CACNA2D2: variants seen among roughly 807,000 people sequenced by gnomAD.
CACNA2D2 encodes voltage-dependent calcium channel subunit alpha-2/delta-2.
Under a neutral mutation model 166.4 loss-of-function variants are expected in CACNA2D2, and 48 were observed. The observed-to-expected ratio is 0.29, with a 90% CI of 0.23 to 0.37. CACNA2D2 has a LOEUF of 0.37. Among genes scored for constraint, CACNA2D2 ranks in the 10% least tolerant of loss-of-function variants. The pLI is 1.00. For missense variants in CACNA2D2, 1,122 were observed against 1,433.0 expected (o/e 0.78, Z 3.50); for synonymous variants, 561 against 573.7 (o/e 0.98, Z 0.32).
chr3:50,476,095 AC>A (rs1355985864), intron 2 of CACNA2D2, 22 bp downstream of exon 2: 10 of 1,571,224 alleles, frequency 6.4e-6, no homozygotes, highest in Non-Finnish European at 6.9e-6. Flanking sequence ...CCCTGAAGAG[AC>A]AGCAAGTGGC....
chr3:50,484,930 C>G (rs1372983612), intron 1 of CACNA2D2, among the ~76,000 whole-genome samples: 2 of 152,320 alleles, frequency 1.3e-5, no homozygotes, highest in African/African-American at 4.8e-5. Flanking sequence ...GGGGAGCTTG[C>G]GGAGAGGTTG....
In CACNA2D2 at chr3:50,476,166, C is replaced by T. The variant is rs1437170884; in HGVS notation, c.240G>A (p.Glu80=). The T allele has an allele frequency of 3.1e-6, 5 of 1,601,520 alleles. No individual in the cohort carries two copies. Among genetic ancestry groups the T allele is most frequent in the Non-Finnish European group, 4.3e-6 (5 of 1,174,862 alleles). The change falls in exon 2 of 38, where the codon GAG becomes GAA. Residue 80 remains glutamate, a synonymous_variant. Transcript: ENST00000424201. The part of the protein sequence containing the change: ...MQHWARRLEQ[E]VDGVMRIFGG... ...CAAAAATCCGCATCACGCCGTCGAC[C>T]TCCTGCTCCAGACGCCGGGCCCAGT...
chr3:50,478,119 C>T (rs1000559247), intron 1 of CACNA2D2, among the ~76,000 whole-genome samples: 1 of 152,194 alleles, frequency 6.6e-6, no homozygotes, highest in Non-Finnish European at 1.5e-5. Flanking sequence ...GAGCCACAGC[C>T]GGATTCCCTC....
At chr3:50,444,810 C>A (rs951391748) in intron 2 of CACNA2D2, among the ~76,000 whole-genome samples, 2 of 152,196 alleles carry the variant, frequency 1.3e-5, no homozygotes, top group African/African-American at 4.8e-5. Context: ...AAGATGAGCC[C>A]ATGTCCTCTC....
intron 3 of CACNA2D2, among the ~76,000 whole-genome samples, chr3:50,400,985 C>T (rs1037539224): frequency 2.0e-4 from 30 of 152,164 alleles, no homozygotes; most frequent in Non-Finnish European, 1.6e-4. Context: ...CATGGCACAT[C>T]GTAAGGTTCA....
chr3:50,479,175 T>C (rs1425649008), intron 1 of CACNA2D2, among the ~76,000 whole-genome samples: 10 of 152,162 alleles, frequency 6.6e-5, no homozygotes, highest in Admixed American at 6.5e-4. Context: ...CCCTCCCTCC[T>C]TGTCTCTCTC....
At chr3:50,417,871 G>A (rs1434280975) in intron 3 of CACNA2D2, among the ~76,000 whole-genome samples, 1 of 152,208 alleles carries the variant, frequency 6.6e-6, no homozygotes, top group Non-Finnish European at 1.5e-5. Flanking sequence ...CCAGCAACTA[G>A]TGCAGGATCT....
intron 22 of CACNA2D2, chr3:50,373,087 T>C (rs1045918645): frequency 6.5e-7 from 1 of 1,534,284 alleles, no homozygotes; most frequent in African/African-American, 1.4e-5. Context: ...TGATTGGCAC[T>C]GGGACAGTCC....
At chr3:50,493,921 C>G (rs969593140) in intron 1 of CACNA2D2, among the ~76,000 whole-genome samples, 2 of 152,184 alleles carry the variant, frequency 1.3e-5, no homozygotes, top group African/African-American at 4.8e-5. Context: ...GTGCGGAGGC[C>G]AGAGCTCTTC....
At chr3:50,399,408 G>A (rs1347051863) in intron 3 of CACNA2D2, among the ~76,000 whole-genome samples, 7 of 152,198 alleles carry the variant, frequency 4.6e-5, no homozygotes, top group Non-Finnish European at 1.0e-4. Context: ...TGAACCCATG[G>A]GGTGCAGGAT....
At chr3:50,430,406 TCA>T (rs1399392652) in intron 3 of CACNA2D2, among the ~76,000 whole-genome samples, 1 of 152,222 alleles carries the variant, frequency 6.6e-6, no homozygotes, top group Non-Finnish European at 1.5e-5. Context: ...AAGAGATTGT[TCA>T]CACTGTGGTC....
chr3:50,476,566 T>A (rs371176594), intron 1 of CACNA2D2, among the ~76,000 whole-genome samples: 1 of 152,172 alleles, frequency 6.6e-6, no homozygotes, highest in Non-Finnish European at 1.5e-5. Flanking sequence ...GAGGGAGACA[T>A]GAGGGAGCCT....
chr3:50,411,369 G>A (rs892558887), intron 3 of CACNA2D2, among the ~76,000 whole-genome samples: 1 of 152,170 alleles, frequency 6.6e-6, no homozygotes, highest in African/African-American at 2.4e-5. Flanking sequence ...TCTGCACTTG[G>A]TGCTAGAGAC....
intron 22 of CACNA2D2, among the ~76,000 whole-genome samples, chr3:50,372,257 C>T (rs917253192): frequency 1.3e-5 from 2 of 152,204 alleles, no homozygotes; most frequent in Non-Finnish European, 2.9e-5. Flanking sequence ...CTCCAAACAC[C>T]TTTGCTGGCT....
At chr3:50,475,018 C>T (rs1341501303) in intron 2 of CACNA2D2, among the ~76,000 whole-genome samples, 1 of 152,136 alleles carries the variant, frequency 6.6e-6, no homozygotes, top group Non-Finnish European at 1.5e-5. Flanking sequence ...CTCTCCCTTC[C>T]CACGGCGTTG....
intron 22 of CACNA2D2, among the ~76,000 whole-genome samples, chr3:50,371,435 T>C (rs897908642): frequency 6.6e-6 from 1 of 152,120 alleles, no homozygotes; most frequent in Non-Finnish European, 1.5e-5. Context: ...CTGGGGCTCC[T>C]CTGTGGCCTC....
intron 5 of CACNA2D2, among the ~76,000 whole-genome samples, chr3:50,385,192 G>A (rs945520806): frequency 2.1e-4 from 32 of 152,194 alleles, no homozygotes; most frequent in South Asian, 1.0e-3. Context: ...AAGGGGGAGG[G>A]GAGGGAAGAT....
intron 2 of CACNA2D2, among the ~76,000 whole-genome samples, chr3:50,449,464 T>C (rs2236979): frequency 0.29 from 43,900 of 152,132 alleles, 8,979 homozygotes; most frequent in African/African-American, 0.54. Context: ...TCAACCCTGA[T>C]GCCACCTCCA....
rs1055609046 is a variant in CACNA2D2 at position 50,363,101 on chromosome 3, T to C, written c.*1565A>G. 4.2e-4 allele frequency: 166 copies of C among 398,490 alleles called. No homozygotes were observed. Among genetic ancestry groups the C allele is most frequent in the Admixed American group, 3.5e-4 (8 of 22,716 alleles). 24.7% of individuals were successfully genotyped at this position (398,490 alleles called of 1,614,324 possible). ...GGGGATTGTTTTGTCTGTTTTTCTG[T>C]TTTTTAAACTTAAAATATATATTTT... is the stretch of plus-strand genomic sequence containing the variant. On this transcript the variant is annotated 3_prime_UTR_variant, in exon 38 of 38. Coordinates refer to ENST00000424201, the MANE Select transcript of CACNA2D2 (RefSeq NM_006030.4).
Sources: allele counts gnomAD v4.1 joint callset (sites outside exome capture counted in the v4.1 genomes callset), GRCh38; gene constraint gnomAD v4.1.1; transcripts MANE v1.5; gene names NCBI Gene and HGNC (gene_info 2026-07-23, HGNC 2026-07-21).